DLG2: variants seen among roughly 807,000 people sequenced by gnomAD.
The protein encoded by DLG2 is discs large MAGUK scaffold protein 2.
A neutral mutation model predicts 132.5 loss-of-function variants in DLG2; 45 were observed. The ratio of observed to expected loss-of-function variants is 0.34; its 90% CI spans 0.27 to 0.44. The LOEUF is 0.44. DLG2 is among the 20% of genes least tolerant of loss of function. The pLI, the probability that DLG2 is intolerant of heterozygous loss-of-function variation, is 1.00. For missense variants in DLG2, 1,045 were observed against 1,196.9 expected (o/e 0.87, Z 1.87); for synonymous variants, 424 against 419.6 (o/e 1.01, Z -0.13).
chr11:84,785,041 A>G (rs1478088225), intron 6 of DLG2, among the ~76,000 whole-genome samples: 1 of 152,142 alleles, frequency 6.6e-6, no homozygotes, highest in Non-Finnish European at 1.5e-5. Context: ...ACTTTAAAAC[A>G]TCGCATGGTT....
intron 7 of DLG2, among the ~76,000 whole-genome samples, chr11:84,464,083 C>A (rs1414825778): frequency 6.6e-6 from 1 of 151,164 alleles, no homozygotes; most frequent in East Asian, 1.9e-4. Context: ...GTTGGTCATA[C>A]AGAGATAATT....
intron 3 of DLG2, among the ~76,000 whole-genome samples, chr11:85,463,756 G>A (rs1346426707): frequency 6.6e-6 from 1 of 151,996 alleles, no homozygotes. Context: ...GAACAACACA[G>A]AAAGACCTTG....
intron 15 of DLG2, among the ~76,000 whole-genome samples, chr11:83,921,014 A>G (rs924218911): frequency 6.6e-6 from 1 of 152,178 alleles, no homozygotes; most frequent in African/African-American, 2.4e-5. Context: ...GTCAATATTT[A>G]TTAAGCACAT....
At chr11:83,997,129 A>T (rs929130734) in intron 11 of DLG2, among the ~76,000 whole-genome samples, 6 of 151,964 alleles carry the variant, frequency 3.9e-5, no homozygotes, top group African/African-American at 9.7e-5. Context: ...AGTAAAAAAA[A>T]AAAAATAAAA....
chr11:85,195,091 G>A (rs936807718), intron 4 of DLG2, among the ~76,000 whole-genome samples: 1 of 152,218 alleles, frequency 6.6e-6, no homozygotes, highest in Non-Finnish European at 1.5e-5. Flanking sequence ...ACAAGGGACA[G>A]CATCTAAAAA....
Position 83,874,487 on chromosome 11 carries a change from G to A in DLG2, c.1498C>T (p.His500Tyr), listed in dbSNP as rs1238812339. ...CGAGTTGCGGTGCTATGTTGGGAATGACTGCAAGAAAAGACAGAAGAAACA... is the reference window on the plus strand; with the variant it reads ...CGAGTTGCGGTGCTATGTTGGGAATAACTGCAAGAAAAGACAGAAGAAACA... ...GLLPDSEMTS[H>Y]SQHSTATRQP... The change falls in exon 16 of 28, where the codon CAT becomes TAT. Residue 500 changes from histidine (H) to tyrosine (Y), a missense_variant and splice_region_variant. This residue lies in a region of DLG2 where 261 missense variants were observed against 256.1 expected (regional missense o/e 1.02). Coordinates refer to ENST00000376104, the MANE Select transcript of DLG2 (RefSeq NM_001142699.3). 3.1e-6 allele frequency: 5 copies of A among 1,595,208 alleles called. No homozygotes were observed. Among genetic ancestry groups the A allele is most frequent in the Non-Finnish European group, 4.3e-6 (5 of 1,168,932 alleles).
intron 6 of DLG2, among the ~76,000 whole-genome samples, chr11:84,710,274 G>C (rs1229274753): frequency 6.6e-6 from 1 of 151,878 alleles, no homozygotes; most frequent in Non-Finnish European, 1.5e-5. Context: ...GGTCCCCAAG[G>C]CAGGAACTAT....
chr11:84,822,773 C>G (rs1271461235), intron 6 of DLG2, among the ~76,000 whole-genome samples: 5 of 151,880 alleles, frequency 3.3e-5, no homozygotes, highest in African/African-American at 9.7e-5. Flanking sequence ...ATAAAAAATA[C>G]TTTCACCAGA....
intron 6 of DLG2, among the ~76,000 whole-genome samples, chr11:84,783,859 A>C (rs1234563499): frequency 6.6e-6 from 1 of 152,082 alleles, no homozygotes; most frequent in Admixed American, 6.6e-5. Flanking sequence ...TTAGCTCAGT[A>C]AACATATATG....
At chr11:84,214,151 C>T (rs576841895) in intron 8 of DLG2, among the ~76,000 whole-genome samples, 4 of 143,416 alleles carry the variant, frequency 2.8e-5, no homozygotes, top group Non-Finnish European at 4.4e-5. Context: ...CAAATACTAA[C>T]CTGAAAGTTC....
At chr11:84,994,645 TCA>T (rs2057458498) in intron 6 of DLG2, among the ~76,000 whole-genome samples, 1 of 152,170 alleles carries the variant, frequency 6.6e-6, no homozygotes, top group Non-Finnish European at 1.5e-5. Context: ...GGGGAGATTA[TCA>T]CAGTGTTGTG....
chr11:84,761,554 GA>G (rs1309855269), intron 6 of DLG2, among the ~76,000 whole-genome samples: 1 of 152,166 alleles, frequency 6.6e-6, no homozygotes, highest in African/African-American at 2.4e-5. Context: ...AAAGCAGGCA[GA>G]AGAACATGGA....
At chr11:83,979,633 A>G (rs550682901) in intron 12 of DLG2, among the ~76,000 whole-genome samples, 32 of 152,262 alleles carry the variant, frequency 2.1e-4, no homozygotes, top group South Asian at 1.7e-3. Context: ...AGGACTACTG[A>G]AGCATGTGAG....
intron 3 of DLG2, among the ~76,000 whole-genome samples, chr11:85,483,593 G>T (rs1358214914): frequency 6.6e-6 from 1 of 152,154 alleles, no homozygotes; most frequent in Non-Finnish European, 1.5e-5. Context: ...TACTCTAACT[G>T]CAATGGTGAT....
chr11:83,895,619 A>G (rs1412353124), intron 15 of DLG2, among the ~76,000 whole-genome samples: 1 of 152,204 alleles, frequency 6.6e-6, no homozygotes. Flanking sequence ...GCAAAACTCC[A>G]AAGGAAGCAC....
chr11:83,617,643 A>T (rs2061023640), intron 19 of DLG2, among the ~76,000 whole-genome samples: 1 of 152,120 alleles, frequency 6.6e-6, no homozygotes, highest in African/African-American at 2.4e-5. Flanking sequence ...AGCAGTAGTG[A>T]TAGAAGGGTA....
intron 7 of DLG2, among the ~76,000 whole-genome samples, chr11:84,504,236 C>A (rs892516260): frequency 1.1e-4 from 16 of 152,154 alleles, no homozygotes; most frequent in South Asian, 2.1e-4. Context: ...ATTTAAGCCC[C>A]TGTCTTTCTA....
At chr11:84,699,058 G>A (rs1207303107) in intron 6 of DLG2, among the ~76,000 whole-genome samples, 2 of 151,334 alleles carry the variant, frequency 1.3e-5, no homozygotes, top group Non-Finnish European at 1.5e-5. Context: ...CCCCACTCTC[G>A]AGCTCCATTT....
At chr11:83,603,121 T>C (rs560659279) in intron 19 of DLG2, among the ~76,000 whole-genome samples, 41 of 152,122 alleles carry the variant, frequency 2.7e-4, no homozygotes, top group African/African-American at 8.2e-4. Context: ...GGGAGAGAGA[T>C]AGATCGCATA....
Sources: gnomAD v4.1 joint callset for allele counts (sites outside exome capture counted in the v4.1 genomes callset) on GRCh38, gnomAD v4.1.1 for gene constraint, gnomAD v4.1.1 regional missense constraint, MANE v1.5 for transcripts, NCBI Gene and HGNC (gene_info 2026-07-23, HGNC 2026-07-21) for gene names.